MAN1A2: variants seen among roughly 807,000 people sequenced by gnomAD.
MAN1A2 encodes the protein mannosidase alpha class 1A member 2.
A neutral mutation model predicts 75.7 loss-of-function variants in MAN1A2; 26 were observed. That is an observed-to-expected ratio of 0.34 (90% CI 0.25 to 0.48). The LOEUF (loss-of-function observed/expected upper bound fraction) is 0.48. Among genes scored for constraint, MAN1A2 ranks in the 20% least tolerant of loss-of-function variants. MAN1A2 has a pLI of 0.99. For missense variants in MAN1A2, 562 were observed against 775.5 expected (o/e 0.72, Z 3.27); for synonymous variants, 247 against 264.6 (o/e 0.93, Z 0.65).
chr1:117,444,266 T>C (rs1280639511), intron 6 of MAN1A2, among the ~76,000 whole-genome samples: 1 of 151,238 alleles, frequency 6.6e-6, no homozygotes, highest in Non-Finnish European at 1.5e-5. Flanking sequence ...GTGGTATTTG[T>C]TTCCATTATT....
intron 6 of MAN1A2, among the ~76,000 whole-genome samples, chr1:117,446,980 G>A (rs1253785493): frequency 6.6e-6 from 1 of 151,992 alleles, no homozygotes; most frequent in Non-Finnish European, 1.5e-5. Context: ...TTTATTATAT[G>A]CTTTCTGATT....
intron 12 of MAN1A2, among the ~76,000 whole-genome samples, chr1:117,514,098 C>T (rs1451662874): frequency 1.3e-5 from 2 of 152,162 alleles, no homozygotes; most frequent in African/African-American, 4.8e-5. Context: ...CACAGTGGCT[C>T]ATGCCTGTAA....
At chr1:117,379,926 TG>T (rs1054818514) in intron 1 of MAN1A2, among the ~76,000 whole-genome samples, 3 of 152,212 alleles carry the variant, frequency 2.0e-5, no homozygotes, top group African/African-American at 7.2e-5. Flanking sequence ...TTTTGGCTAT[TG>T]TGAATAGTGT....
chr1:117,460,811 A>T (rs148332215), intron 7 of MAN1A2, among the ~76,000 whole-genome samples, 199 bp downstream of exon 7: 1 of 152,206 alleles, frequency 6.6e-6, no homozygotes, highest in African/African-American at 2.4e-5. Context: ...TTGTTATTTG[A>T]GAAGTTATAA....
intron 4 of MAN1A2, among the ~76,000 whole-genome samples, chr1:117,416,450 A>G (rs1468625225): frequency 2.0e-5 from 3 of 152,134 alleles, no homozygotes; most frequent in Admixed American, 6.6e-5. Context: ...TTTAATTTGC[A>G]GATTAATTTG....
chr1:117,465,912 TA>T (rs1403528909), intron 7 of MAN1A2, among the ~76,000 whole-genome samples: 2 of 152,178 alleles, frequency 1.3e-5, no homozygotes, highest in African/African-American at 2.4e-5. Flanking sequence ...CAATTCAAAT[TA>T]ATAACTTTTC....
At chr1:117,471,224 GC>G (rs1192213720) in intron 8 of MAN1A2, among the ~76,000 whole-genome samples, 6 of 151,670 alleles carry the variant, frequency 4.0e-5, no homozygotes, top group Admixed American at 3.9e-4. Context: ...TGATTGTCTT[GC>G]TTAATAATTT....
chr1:117,464,735 GAGGGA>G (rs1190555251), intron 7 of MAN1A2, among the ~76,000 whole-genome samples: 1 of 152,152 alleles, frequency 6.6e-6, no homozygotes, highest in African/African-American at 2.4e-5. Context: ...GAACTTTGGT[GAGGGA>G]AGGGAATGAA....
At chr1:117,402,555 G>T in intron 2 of MAN1A2, 114 bp downstream of exon 2, 1 of 955,360 alleles carries the variant, frequency 1.0e-6, no homozygotes, top group Non-Finnish European at 1.5e-6. Context: ...GGTCATAGTT[G>T]TAGTATAGTT....
chr1:117,484,389 TATC>T (rs1305624586), intron 8 of MAN1A2, among the ~76,000 whole-genome samples: 1 of 151,984 alleles, frequency 6.6e-6, no homozygotes, highest in African/African-American at 2.4e-5. Context: ...TTTGTTGTAA[TATC>T]ATGACTTTTC....
intron 6 of MAN1A2, among the ~76,000 whole-genome samples, chr1:117,445,807 G>T (rs1649204673): frequency 6.7e-6 from 1 of 149,158 alleles, no homozygotes; most frequent in Non-Finnish European, 1.5e-5. Flanking sequence ...GATTACAGGT[G>T]TGAGCCACTG....
chr1:117,493,860 C>G (rs956785695), intron 9 of MAN1A2: 1 of 152,004 alleles, frequency 6.6e-6, no homozygotes, highest in African/African-American at 2.4e-5. Flanking sequence ...TTAATGTTTA[C>G]AGAGACTGGA....
chr1:117,420,442 T>C, intron 4 of MAN1A2, 127 bp from the exon 5 acceptor site: 1 of 671,806 alleles, frequency 1.5e-6, no homozygotes, highest in East Asian at 2.7e-5. Flanking sequence ...GCATGAGAAA[T>C]GAAGATGCAG....
At chr1:117,499,745 T>C (rs1396651167) in intron 11 of MAN1A2, among the ~76,000 whole-genome samples, 191 bp downstream of exon 11, 1 of 147,878 alleles carries the variant, frequency 6.8e-6, no homozygotes, top group African/African-American at 2.5e-5. Context: ...ATATTAAATA[T>C]ATATTAAAAT....
At chr1:117,449,231 CAAG>C (rs200892170) in intron 6 of MAN1A2, among the ~76,000 whole-genome samples, 5,023 of 151,942 alleles carry the variant, frequency 0.033, 129 homozygotes, top group Non-Finnish European at 0.044. Flanking sequence ...ATTCAAGAGA[CAAG>C]AAGAATAGCA....
intron 8 of MAN1A2, among the ~76,000 whole-genome samples, chr1:117,467,129 T>C (rs565196520): frequency 3.3e-5 from 5 of 152,164 alleles, no homozygotes; most frequent in Non-Finnish European, 7.4e-5. Context: ...ACAACTAATA[T>C]TTCTGTGGAA....
chr1:117,381,654 A>G (rs1226002543), intron 1 of MAN1A2, among the ~76,000 whole-genome samples: 2 of 152,162 alleles, frequency 1.3e-5, no homozygotes, highest in Non-Finnish European at 2.9e-5. Flanking sequence ...ATATGTGTGC[A>G]TGTGTCTTTA....
At chr1:117,373,502 T>TG (rs1419918642) in intron 1 of MAN1A2, among the ~76,000 whole-genome samples, 1 of 150,540 alleles carries the variant, frequency 6.6e-6, no homozygotes, top group Non-Finnish European at 1.5e-5. Context: ...TTTTTTTTTT[T>TG]GGGTACATTC....
At chr1:117,380,627 T>C (rs1466117796) in intron 1 of MAN1A2, among the ~76,000 whole-genome samples, 1 of 152,174 alleles carries the variant, frequency 6.6e-6, no homozygotes, top group Non-Finnish European at 1.5e-5. Context: ...AAGAGACAAA[T>C]TTTCCCCTAT....
Sources: gnomAD v4.1 joint callset for allele counts (sites outside exome capture counted in the v4.1 genomes callset) on GRCh38, gnomAD v4.1.1 for gene constraint, MANE v1.5 for transcripts, NCBI Gene and HGNC (gene_info 2026-07-23, HGNC 2026-07-21) for gene names.